Variants in SLC10A7 observed in about 807,000 individuals in gnomAD.
SLC10A7 encodes solute carrier family 10 member 7, also known as sodium/bile acid cotransporter 7.
Under a neutral mutation model 43.2 loss-of-function variants are expected in SLC10A7, and 29 were observed. The ratio of observed to expected loss-of-function variants is 0.67; its 90% confidence interval spans 0.50 to 0.92. SLC10A7 has a LOEUF of 0.92. Ranked by LOEUF, SLC10A7 falls within the 40% of genes least tolerant of loss-of-function variation. The pLI is 0.00. For synonymous variants in SLC10A7, 152 were observed against 144.8 expected, an observed-to-expected ratio of 1.05 and a Z score of -0.35; for missense variants, 295 against 403.2, an observed-to-expected ratio of 0.73 and a Z score of 2.30.
intron 5 of SLC10A7, among the ~76,000 whole-genome samples, chr4:146,341,451 C>T (rs988816639): frequency 6.6e-6 from 1 of 151,732 alleles, no homozygotes; most frequent in Non-Finnish European, 1.5e-5. Context: ...TTTGAACTAA[C>T]TTGAATCAGT....
At chr4:146,479,214 A>G (rs1454114499) in intron 4 of SLC10A7, among the ~76,000 whole-genome samples, 1 of 152,080 alleles carries the variant, frequency 6.6e-6, no homozygotes, top group Non-Finnish European at 1.5e-5. Context: ...TACCCAACGC[A>G]CTCATCTCTG....
chr4:146,339,371 C>T (rs928200099), intron 5 of SLC10A7, among the ~76,000 whole-genome samples: 52 of 151,888 alleles, frequency 3.4e-4, no homozygotes, highest in African/African-American at 1.2e-3. Context: ...TGAATGGAGA[C>T]ATCTGCACTA....
At chr4:146,398,223 T>C (rs1398121471) in intron 5 of SLC10A7, among the ~76,000 whole-genome samples, 2 of 152,218 alleles carry the variant, frequency 1.3e-5, no homozygotes, top group Admixed American at 1.3e-4. Flanking sequence ...ATTTGACATT[T>C]ATTTTGGCAA....
intron 9 of SLC10A7, among the ~76,000 whole-genome samples, chr4:146,284,384 C>T (rs914492262): frequency 1.3e-5 from 2 of 152,158 alleles, no homozygotes; most frequent in Non-Finnish European, 2.9e-5. Flanking sequence ...AAACTCTTCC[C>T]TAAATAGATC....
intron 5 of SLC10A7, among the ~76,000 whole-genome samples, chr4:146,381,446 G>A (rs766515587): frequency 3.3e-5 from 5 of 151,984 alleles, no homozygotes; most frequent in African/African-American, 4.8e-5. Flanking sequence ...CTTTCAATCC[G>A]TCTCAATTAC....
chr4:146,415,063 G>A (rs1355773945), intron 5 of SLC10A7, among the ~76,000 whole-genome samples: 2 of 152,084 alleles, frequency 1.3e-5, no homozygotes, highest in African/African-American at 4.8e-5. Flanking sequence ...ACTTTATGAA[G>A]AGAAAAACAG....
At chr4:146,290,519 C>T (rs764411565) in intron 9 of SLC10A7, among the ~76,000 whole-genome samples, 5 of 151,768 alleles carry the variant, frequency 3.3e-5, no homozygotes, top group African/African-American at 1.2e-4. Context: ...TATATGCTGT[C>T]GTTTATCAAA....
intron 5 of SLC10A7, among the ~76,000 whole-genome samples, chr4:146,418,585 G>T (rs1331144484): frequency 6.6e-6 from 1 of 152,078 alleles, no homozygotes; most frequent in Non-Finnish European, 1.5e-5. Context: ...AGTTTTTTAT[G>T]ATCGTTTTTA....
chr4:146,505,117 T>G (rs1253370487), intron 3 of SLC10A7, among the ~76,000 whole-genome samples: 1 of 152,124 alleles, frequency 6.6e-6, no homozygotes, highest in Non-Finnish European at 1.5e-5. Context: ...GATTAAAGGT[T>G]ACAGTTGGCC....
At chr4:146,514,020 T>C (rs1383002870) in intron 2 of SLC10A7, 2 of 152,202 alleles carry the variant, frequency 1.3e-5, no homozygotes, top group Non-Finnish European at 2.9e-5. Context: ...GCATCAAGCA[T>C]TGCTTAAAAC....
chr4:146,470,903 T>C (rs1321269608), intron 4 of SLC10A7, among the ~76,000 whole-genome samples: 3 of 152,174 alleles, frequency 2.0e-5, no homozygotes, highest in African/African-American at 7.2e-5. Context: ...CCAGGCACTG[T>C]GCATGTATCA....
intron 10 of SLC10A7, among the ~76,000 whole-genome samples, chr4:146,277,589 C>T (rs924480161): frequency 2.6e-5 from 4 of 152,096 alleles, no homozygotes; most frequent in African/African-American, 9.7e-5. Context: ...TGTCAAATGG[C>T]AAAGACTCCC....
At chr4:146,409,928 ATCT>A (rs571495607) in intron 5 of SLC10A7, among the ~76,000 whole-genome samples, 66 of 152,348 alleles carry the variant, frequency 4.3e-4, no homozygotes, top group African/African-American at 1.5e-3. Flanking sequence ...TAAGCAATTA[ATCT>A]TAACATTTCA....
At chr4:146,501,780 C>T (rs1736439867) in intron 4 of SLC10A7, among the ~76,000 whole-genome samples, 1 of 152,210 alleles carries the variant, frequency 6.6e-6, no homozygotes, top group African/African-American at 2.4e-5. Flanking sequence ...GCAACAGCAA[C>T]CTCATCCTTG....
chr4:146,328,450 T>A (rs765245639), intron 5 of SLC10A7, among the ~76,000 whole-genome samples: 4 of 152,218 alleles, frequency 2.6e-5, no homozygotes, highest in Non-Finnish European at 4.4e-5. Flanking sequence ...CACCTACTGC[T>A]GCTGACACCT....
intron 5 of SLC10A7, among the ~76,000 whole-genome samples, chr4:146,356,384 A>ATGAC (rs2149755791): frequency 6.6e-6 from 1 of 152,294 alleles, no homozygotes; most frequent in Non-Finnish European, 1.5e-5. Context: ...CAAGGGTCAT[A>ATGAC]TGACTACTGA....
chr4:146,447,668 TAA>T (rs777457673), intron 4 of SLC10A7, among the ~76,000 whole-genome samples: 2 of 142,482 alleles, frequency 1.4e-5, no homozygotes, highest in Non-Finnish European at 1.5e-5. Context: ...CAATCCTAGC[TAA>T]AAAAAAAAAA....
At chr4:146,449,278 G>A (rs1376060442) in intron 4 of SLC10A7, among the ~76,000 whole-genome samples, 1 of 152,280 alleles carries the variant, frequency 6.6e-6, no homozygotes, top group African/African-American at 2.4e-5. Context: ...AGACCACAAT[G>A]GTAGGGCAAG....
chr4:146,260,168 T>G (rs1728133478), intron 10 of SLC10A7, among the ~76,000 whole-genome samples: 1 of 150,082 alleles, frequency 6.7e-6, no homozygotes, highest in Non-Finnish European at 1.5e-5. Flanking sequence ...AGTTTCTGTC[T>G]TTATACTAAC....
Sources: gnomAD v4.1 joint callset for allele counts (sites outside exome capture counted in the v4.1 genomes callset) on GRCh38, gnomAD v4.1.1 for gene constraint, MANE v1.5 for transcripts, NCBI Gene and HGNC (gene_info 2026-07-23, HGNC 2026-07-21) for gene names.